The following GPC5 variants were observed in gnomAD, a reference collection of about 807,000 sequenced individuals.
The protein encoded by GPC5 is glypican 5.
Under a neutral mutation model 53.9 loss-of-function variants are expected in GPC5, and 47 were observed. The ratio of observed to expected loss-of-function variants is 0.87; its 90% CI spans 0.69 to 1.11. GPC5 has a LOEUF of 1.11. GPC5 is among the 50% of genes most tolerant of loss of function. GPC5 has a pLI of 0.00. For synonymous variants in GPC5, 286 were observed against 263.3 expected, an observed-to-expected ratio of 1.09 and a Z score of -0.84; for missense variants, 748 against 713.1, an observed-to-expected ratio of 1.05 and a Z score of -0.56.
At chr13:92,233,149 C>A (rs547290703) in intron 7 of GPC5, among the ~76,000 whole-genome samples, 1 of 152,266 alleles carries the variant, frequency 6.6e-6, no homozygotes, top group South Asian at 2.1e-4. Flanking sequence ...GCCTGTGGCA[C>A]CACGTCAGAA....
chr13:91,507,713 T>G (rs2139319237), intron 2 of GPC5, among the ~76,000 whole-genome samples: 1 of 152,268 alleles, frequency 6.6e-6, no homozygotes, highest in South Asian at 2.1e-4. Flanking sequence ...AAGACTGTAC[T>G]TCCAAATACC....
intron 7 of GPC5, among the ~76,000 whole-genome samples, chr13:92,591,780 C>G (rs1186992705): frequency 1.3e-5 from 2 of 152,130 alleles, no homozygotes; most frequent in African/African-American, 4.8e-5. Flanking sequence ...TTGGTAACCG[C>G]CATTCTACTC....
chr13:92,506,439 A>T (rs1880371829), intron 7 of GPC5, among the ~76,000 whole-genome samples: 1 of 152,180 alleles, frequency 6.6e-6, no homozygotes, highest in South Asian at 2.1e-4. Context: ...AATATTTTTT[A>T]AATAATAATT....
At chr13:92,443,930 A>T (rs142777974) in intron 7 of GPC5, among the ~76,000 whole-genome samples, 10 of 152,206 alleles carry the variant, frequency 6.6e-5, no homozygotes, top group Non-Finnish European at 1.5e-4. Flanking sequence ...AGCTGAGATG[A>T]GAAACCACAC....
intron 6 of GPC5, among the ~76,000 whole-genome samples, chr13:92,016,233 G>GAAATGTCT: frequency 6.6e-6 from 1 of 152,294 alleles, no homozygotes; most frequent in East Asian, 1.9e-4. Context: ...AATTTATAAT[G>GAAATGTCT]AAATGTCTAC....
intron 7 of GPC5, among the ~76,000 whole-genome samples, chr13:92,453,505 A>G (rs1476393454): frequency 6.6e-6 from 1 of 152,210 alleles, no homozygotes; most frequent in Non-Finnish European, 1.5e-5. Context: ...ATTAGCAAAT[A>G]AATTGAACAG....
At chr13:92,498,224 A>T (rs1441552328) in intron 7 of GPC5, among the ~76,000 whole-genome samples, 1 of 151,992 alleles carries the variant, frequency 6.6e-6, no homozygotes, top group African/African-American at 2.4e-5. Context: ...ATACAGTGGC[A>T]TGTTTCTGGG....
intron 2 of GPC5, among the ~76,000 whole-genome samples, chr13:91,575,392 C>T (rs1213564507): frequency 6.6e-6 from 1 of 152,022 alleles, no homozygotes; most frequent in African/African-American, 2.4e-5. Context: ...CTAATTGATA[C>T]TTTGAAAAGT....
intron 6 of GPC5, among the ~76,000 whole-genome samples, chr13:92,032,448 A>T (rs1009610078): frequency 1.4e-5 from 2 of 138,628 alleles, no homozygotes; most frequent in South Asian, 2.1e-4. Context: ...TAAAAATTTA[A>T]AAAAAAAAAA....
At chr13:91,981,791 T>C (rs1011008819) in intron 6 of GPC5, among the ~76,000 whole-genome samples, 1 of 152,216 alleles carries the variant, frequency 6.6e-6, no homozygotes, top group African/African-American at 2.4e-5. Context: ...ACATTTAATC[T>C]TGACTCACCC....
intron 5 of GPC5, among the ~76,000 whole-genome samples, chr13:91,891,732 A>G: frequency 6.6e-6 from 1 of 152,160 alleles, no homozygotes. Context: ...TTCATCAGTT[A>G]CTTTATCTCA....
chr13:92,479,109 A>C (rs897183489), intron 7 of GPC5, among the ~76,000 whole-genome samples: 1 of 152,180 alleles, frequency 6.6e-6, no homozygotes, highest in African/African-American at 2.4e-5. Flanking sequence ...AGTCCAAAAG[A>C]GTTCAGAATG....
intron 2 of GPC5, among the ~76,000 whole-genome samples, chr13:91,616,090 C>A (rs1333857739): frequency 6.6e-6 from 1 of 152,032 alleles, no homozygotes; most frequent in African/African-American, 2.4e-5. Context: ...TTGTATTAAT[C>A]TGCTGGTAAG....
intron 7 of GPC5, among the ~76,000 whole-genome samples, chr13:92,399,652 A>C (rs1014071359): frequency 1.3e-5 from 2 of 152,180 alleles, no homozygotes; most frequent in Non-Finnish European, 1.5e-5. Context: ...ATTTCTCATT[A>C]GGCATATTGC....
chr13:91,463,302 A>G (rs1194125370), intron 2 of GPC5, among the ~76,000 whole-genome samples: 1 of 152,112 alleles, frequency 6.6e-6, no homozygotes, highest in Non-Finnish European at 1.5e-5. Context: ...GCTTTGTGGA[A>G]TTCTTTTTTT....
At chr13:92,241,903 C>G (rs932260937) in intron 7 of GPC5, 6 of 152,046 alleles carry the variant, frequency 3.9e-5, no homozygotes, top group Non-Finnish European at 2.9e-5. Flanking sequence ...ACTGCAGAAG[C>G]TATTGTAGCC....
intron 1 of GPC5, 71 bp downstream of exon 1, chr13:91,399,280 GGT>G: frequency 1.3e-6 from 2 of 1,530,684 alleles, no homozygotes; most frequent in Non-Finnish European, 1.8e-6. Context: ...AGGCTCCCTT[GGT>G]GGCACTCGTG....
chr13:91,503,784 A>AATG lies in GPC5; in HGVS notation c.325+54864_325+54865insGAT, dbSNP rs1399746789. 6.9e-4 allele frequency among the ~76,000 whole-genome samples: 94 copies of AATG among 136,666 alleles called. 2 individuals are homozygous for AATG. In the South Asian group the frequency reaches 0.02, roughly 29 times the overall value. 89.7% of individuals were successfully genotyped at this position (136,666 alleles called of 152,430 possible). On this transcript the variant is annotated intron_variant, in intron 2 of 7. Coordinates refer to ENST00000377067, the MANE Select transcript of GPC5 (RefSeq NM_004466.6). ...ACAGAGTGAGACTCTGTCTCAAAAT[A>AATG]ATAATAATAATAATAATAATAATAA...
chr13:91,926,749 A>G (rs1011209652), intron 6 of GPC5, among the ~76,000 whole-genome samples: 10 of 152,222 alleles, frequency 6.6e-5, no homozygotes, highest in Admixed American at 4.6e-4. Flanking sequence ...GAACAAATGC[A>G]GGAAAATAAT....
Sources: gnomAD v4.1 joint callset for allele counts (sites outside exome capture counted in the v4.1 genomes callset) on GRCh38, gnomAD v4.1.1 for gene constraint, MANE v1.5 for transcripts, NCBI Gene and HGNC (gene_info 2026-07-23, HGNC 2026-07-21) for gene names.